The following ACTA2 variants were observed in gnomAD, a reference collection of about 807,000 sequenced individuals.
ACTA2 encodes the protein actin alpha 2, smooth muscle.
In ACTA2, 12 loss-of-function variants were observed where a neutral mutation model predicts 39.5. That is an observed-to-expected ratio of 0.30 (90% CI 0.19 to 0.49). ACTA2 has a LOEUF of 0.49. Among genes scored for constraint, ACTA2 ranks in the 20% least tolerant of loss-of-function variants. ACTA2 has a pLI of 0.99. For missense variants in ACTA2, 236 were observed against 498.8 expected, an observed-to-expected ratio of 0.47 and a Z score of 5.02; for synonymous variants, 158 against 180.6, an observed-to-expected ratio of 0.88 and a Z score of 1.00.
rs1846002523 is a variant in ACTA2 at position 88,948,950 on chromosome 10, G to C, written c.-20C>G. On this transcript the variant is annotated 5_prime_UTR_variant, in exon 2 of 9. It adds an upstream start codon to the 5' untranslated region. Transcript: ENST00000224784. Reference sequence around the variant, plus strand: ...ACACATAGCTGGAGCTGCTTCACAGGATTCTATAGAAAACAGGGAGGAAGC... The same window carrying C: ...ACACATAGCTGGAGCTGCTTCACAGCATTCTATAGAAAACAGGGAGGAAGC... 2 of 1,613,386 alleles carry C rather than the reference G, an allele frequency of 1.2e-6. No individual in the cohort carries two copies. The highest frequency in any genetic ancestry group is 1.7e-5 in the Admixed American group (1 of 60,000).
At position 88,938,075 on chromosome 10, in the gene ACTA2, T is replaced by C. The variant is rs1280711401; in HGVS notation, c.976A>G (p.Thr326Ala). 4 of 1,613,982 alleles carry C rather than the reference T, an allele frequency of 2.5e-6. No individual in the cohort carries two copies. The highest frequency in any genetic ancestry group is 1.3e-5 in the African/African-American group (1 of 75,030). Residue 326 changes from threonine (T) to alanine (A), a missense_variant, in exon 8 of 9, where the codon ACC becomes GCC. By Grantham distance (58) the Thr-to-Ala change is moderately conservative. Coordinates refer to ENST00000224784, the MANE Select transcript of ACTA2 (RefSeq NM_001613.4). The stretch of plus-strand genomic sequence containing the variant: ...CTGAACAGTACCTTGATCTTCATGG[T>C]GCTGGGTGCTAGGGCCGTGATCTCC... ...QKEITALAPS[T>A]MKIKIIAPPE...
chr10:88,939,408 C>T, intron 7 of ACTA2, 99 bp downstream of exon 7: 2 of 1,510,520 alleles, frequency 1.3e-6, no homozygotes, highest in Middle Eastern at 2.4e-4. Flanking sequence ...TGCTTTTGGT[C>T]TTGGGGCAAC....
At chr10:88,981,951 A>C (rs563465909) in intron 1 of ACTA2, among the ~76,000 whole-genome samples, 6 of 152,224 alleles carry the variant, frequency 3.9e-5, no homozygotes, top group Non-Finnish European at 8.8e-5. Context: ...AGTTACCTCT[A>C]TGTGAATCAG....
chr10:88,959,866 G>A (rs529033838), intron 1 of ACTA2, among the ~76,000 whole-genome samples: 1 of 152,192 alleles, frequency 6.6e-6, no homozygotes, highest in South Asian at 2.1e-4. Context: ...TTGATCAGAT[G>A]TTTTGTAAAC....
At chr10:88,940,195 C>A in intron 6 of ACTA2, 1 of 213,540 alleles carries the variant, frequency 4.7e-6, no homozygotes. Flanking sequence ...ACCTTTGGCA[C>A]ATTTCTCACC....
intron 1 of ACTA2, among the ~76,000 whole-genome samples, chr10:88,969,214 T>C (rs938156198): frequency 5.3e-5 from 8 of 152,212 alleles, no homozygotes; most frequent in Non-Finnish European, 1.0e-4. Flanking sequence ...GTTATTCCCA[T>C]AGGATCAGCA....
intron 1 of ACTA2, among the ~76,000 whole-genome samples, chr10:88,962,851 G>A (rs1370138509): frequency 6.2e-5 from 9 of 145,186 alleles, no homozygotes; most frequent in Non-Finnish European, 1.4e-4. Context: ...GGAAGGTGAA[G>A]GAAGAGCAAA....
chr10:88,958,788 C>T (rs1329814929), intron 1 of ACTA2, among the ~76,000 whole-genome samples: 1 of 152,200 alleles, frequency 6.6e-6, no homozygotes, highest in African/African-American at 2.4e-5. Context: ...AGCTCTCCTT[C>T]ACAAAAGACT....
chr10:88,983,607 TGCAAAAA>T (rs1846767840), intron 1 of ACTA2, among the ~76,000 whole-genome samples: 1 of 57,604 alleles, frequency 1.7e-5, no homozygotes, highest in African/African-American at 7.5e-5. Flanking sequence ...TAACAGGTTA[TGCAAAAA>T]AAAAAAAAAA....
chr10:88,985,418 T>C (rs1005406584), intron 1 of ACTA2, among the ~76,000 whole-genome samples: 4 of 152,230 alleles, frequency 2.6e-5, no homozygotes, highest in Admixed American at 2.6e-4. Context: ...AATACCACTA[T>C]TGTATTAGTC....
rs151107760 is a variant in ACTA2 at position 88,976,361 on chromosome 10, A to C, written c.-24+14578T>G. The stretch of plus-strand genomic sequence containing the variant: ...AACATATAATTAATATATTGATATT[A>C]TCACAAATGCCAGAGTAAACAAGGG... On this transcript the variant is annotated intron_variant, in intron 1 of 4. Transcript: ENST00000415557. Among the ~76,000 whole-genome samples the C allele has an allele frequency of 2.5e-3, 377 of 152,338 alleles. 1 individual carries two copies. Among genetic ancestry groups the C allele is most frequent in the Admixed American group, 4.6e-3 (70 of 15,302 alleles).
At chr10:88,989,368 T>C (rs1306550159) in intron 1 of ACTA2, 12 of 325,542 alleles carry the variant, frequency 3.7e-5, no homozygotes, top group Non-Finnish European at 6.2e-6. Context: ...AATGAACTTT[T>C]CATTTTGGAA....
chr10:88,935,427 G>A lies in ACTA2; in HGVS notation c.991-61C>T, dbSNP rs1845717094. Reference sequence around the variant, plus strand: ...TCATCATTAGTGCAGTCGTTAGTGCGGTAGGACAGAGCCTGGATGTTCTAC... The same window carrying A: ...TCATCATTAGTGCAGTCGTTAGTGCAGTAGGACAGAGCCTGGATGTTCTAC... On this transcript the variant is annotated intron_variant, in intron 8 of 8. Transcript: ENST00000224784. 48 of 1,583,924 alleles carry A rather than the reference G, an allele frequency of 3.0e-5. No individual in the cohort carries two copies. The South Asian group carries it at 5.2e-4, about 17-fold the overall frequency.
At chr10:88,938,005 G>C in intron 8 of ACTA2, 56 bp downstream of exon 8, 1 of 1,600,288 alleles carries the variant, frequency 6.2e-7, no homozygotes, top group East Asian at 2.2e-5. Flanking sequence ...CTTATCTGTG[G>C]TTATAGGGCT....
rs1298696727 is a variant in ACTA2, at chr10:88,990,504, C to T, written c.-24+435G>A. On this transcript the variant is annotated intron_variant, in intron 1 of 4. Coordinates refer to the ACTA2 transcript ENST00000415557. The surrounding 1 kb of genome is among the most constrained non-coding windows in gnomAD (Gnocchi z 4.9). ...CCCATTTGTGCAACGAACCCTGACTCCTTCCTCACCCTGACTTCTCCCCCT... is the reference window on the plus strand; with the variant it reads ...CCCATTTGTGCAACGAACCCTGACTTCTTCCTCACCCTGACTTCTCCCCCT... 1.7e-6 allele frequency: 1 copy of T among 584,054 alleles called. No homozygotes were observed. Among genetic ancestry groups the T allele is most frequent in the Non-Finnish European group, 3.2e-6 (1 of 309,628 alleles). 36.2% of individuals were successfully genotyped at this position (584,054 alleles called of 1,614,324 possible). A position where few individuals can be genotyped will look rare whatever the true frequency, so the allele number is the denominator to read the frequency against.
intron 1 of ACTA2, among the ~76,000 whole-genome samples, chr10:88,970,422 T>C (rs1388972159): frequency 3.9e-5 from 6 of 152,162 alleles, no homozygotes; most frequent in Admixed American, 3.9e-4. Flanking sequence ...TCCAGCTTCA[T>C]AGGAGCTTAG....
At chr10:88,957,619 C>A (rs149953006), upstream of ACTA2, among the ~76,000 whole-genome samples, 2 of 152,164 alleles carry the variant, frequency 1.3e-5, no homozygotes, top group Non-Finnish European at 2.9e-5. Flanking sequence ...TAACTGAGGA[C>A]CTTTGCTCAT....
upstream of ACTA2, among the ~76,000 whole-genome samples, chr10:88,955,682 A>G (rs1053681125): frequency 6.6e-6 from 1 of 152,166 alleles, no homozygotes; most frequent in African/African-American, 2.4e-5. Flanking sequence ...TAATGTTTTC[A>G]TTTATTTCAA....
chr10:88,970,654 T>C (rs1351267293), intron 1 of ACTA2, among the ~76,000 whole-genome samples: 1 of 152,032 alleles, frequency 6.6e-6, no homozygotes, highest in Non-Finnish European at 1.5e-5. Context: ...AGAATGATGG[T>C]TGGGAATTGA....
Sources: gnomAD v4.1 joint callset for allele counts (sites outside exome capture counted in the v4.1 genomes callset) on GRCh38, gnomAD v4.1.1 for gene constraint, Gnocchi (gnomAD v3.1) non-coding constraint, MANE v1.5 for transcripts, NCBI Gene and HGNC (gene_info 2026-07-23, HGNC 2026-07-21) for gene names.